The following NIM1K variants were observed in gnomAD, a reference collection of about 807,000 sequenced individuals.
The protein encoded by NIM1K is serine/threonine-protein kinase NIM1.
Under a neutral mutation model 37.1 loss-of-function variants are expected in NIM1K, and 35 were observed. The ratio of observed to expected loss-of-function variants is 0.94; its 90% CI spans 0.72 to 1.25. NIM1K has a LOEUF of 1.25. Among genes scored for constraint, NIM1K ranks in the 50% most tolerant of loss-of-function variants. The pLI, the probability that NIM1K is intolerant of heterozygous loss-of-function variation, is 0.00. For missense variants in NIM1K, 564 were observed against 548.0 expected (o/e 1.03, Z -0.29); for synonymous variants, 234 against 206.6 (o/e 1.13, Z -1.14).
intron 1 of NIM1K, among the ~76,000 whole-genome samples, chr5:43,231,343 T>A (rs888611851): frequency 2.0e-5 from 3 of 152,112 alleles, no homozygotes; most frequent in Non-Finnish European, 4.4e-5. Context: ...TATCTATATA[T>A]CTATATTTAT....
chr5:43,232,934 T>C, intron 1 of NIM1K: 1 of 1,157,782 alleles, frequency 8.6e-7, no homozygotes, highest in Non-Finnish European at 1.3e-6. Flanking sequence ...TAGGTGCCAG[T>C]GCAAACTTCA....
At chr5:43,211,567 T>C (rs1006876225) in intron 1 of NIM1K, among the ~76,000 whole-genome samples, 1 of 152,210 alleles carries the variant, frequency 6.6e-6, no homozygotes, top group African/African-American at 2.4e-5. Flanking sequence ...TTCTGGAATA[T>C]TGGCTGCTAA....
chr5:43,232,321 T>C lies in NIM1K; in HGVS notation c.-694-12761T>C. ...TGGCAGTCTCTGCTACAGAAAGCTG[T>C]TTCATGGTAGGCTTTCTCAGCAGAG... On this transcript the variant is annotated intron_variant, in intron 1 of 3. Coordinates refer to ENST00000326035, the MANE Select transcript of NIM1K (RefSeq NM_153361.4). 3.2e-6 allele frequency: 4 copies of C among 1,267,520 alleles called. No individual in the cohort carries two copies. In the South Asian group the frequency reaches 4.8e-5, roughly 15 times the overall value. The allele number at this position is 1,267,520 out of a possible 1,614,324, so 78.5% of individuals were successfully genotyped here. A position where few individuals can be genotyped will look rare whatever the true frequency, so the allele number is the denominator to read the frequency against.
At chr5:43,249,937 C>T (rs1320978677) in intron 2 of NIM1K, among the ~76,000 whole-genome samples, 6 of 144,486 alleles carry the variant, frequency 4.2e-5, no homozygotes, top group African/African-American at 1.5e-4. Flanking sequence ...ACTGCAAGCT[C>T]TGCCTCCTGG....
At chr5:43,209,448 G>C (rs1752172575) in intron 1 of NIM1K, among the ~76,000 whole-genome samples, 1 of 151,804 alleles carries the variant, frequency 6.6e-6, no homozygotes, top group East Asian at 1.9e-4. Flanking sequence ...AAAGGGTTTT[G>C]CTTTTTTTGT....
intron 1 of NIM1K, among the ~76,000 whole-genome samples, chr5:43,224,444 GA>G (rs201872225): frequency 0.022 from 2,842 of 128,994 alleles, 111 homozygotes; most frequent in East Asian, 0.17. Context: ...ACTCGTCTCA[GA>G]AAAAAAAAAA....
intron 2 of NIM1K, among the ~76,000 whole-genome samples, chr5:43,273,550 T>A (rs957122439): frequency 6.6e-6 from 1 of 152,188 alleles, no homozygotes; most frequent in Non-Finnish European, 1.5e-5. Context: ...ACAACCCTTT[T>A]TCTTAAAACC....
intron 1 of NIM1K, among the ~76,000 whole-genome samples, chr5:43,198,919 T>TG (rs1455037905): frequency 1.3e-5 from 2 of 152,040 alleles, no homozygotes; most frequent in Non-Finnish European, 2.9e-5. Context: ...CCAAGCACGG[T>TG]GGCTCACACC....
chr5:43,261,994 C>T (rs1753038157), intron 2 of NIM1K, among the ~76,000 whole-genome samples: 1 of 152,146 alleles, frequency 6.6e-6, no homozygotes, highest in Admixed American at 6.5e-5. Flanking sequence ...CAGTACCATG[C>T]TGTTTTGGTT....
chr5:43,216,914 T>C (rs1159194383), intron 1 of NIM1K, among the ~76,000 whole-genome samples: 2 of 152,212 alleles, frequency 1.3e-5, no homozygotes, highest in Non-Finnish European at 2.9e-5. Context: ...ATGGTTTGCA[T>C]GAAGTGAATA....
At chr5:43,255,444 C>T (rs570345422) in intron 2 of NIM1K, among the ~76,000 whole-genome samples, 5 of 152,100 alleles carry the variant, frequency 3.3e-5, no homozygotes, top group Non-Finnish European at 2.9e-5. Flanking sequence ...TATTATGTAG[C>T]GATAAGTGAT....
intron 3 of NIM1K, among the ~76,000 whole-genome samples, chr5:43,278,013 T>G (rs1029328117): frequency 5.4e-5 from 8 of 148,088 alleles, no homozygotes; most frequent in Admixed American, 1.3e-4. Flanking sequence ...TCCCTTCCTT[T>G]CTTTTCCTTC....
At chr5:43,259,641 T>C (rs929636825) in intron 2 of NIM1K, among the ~76,000 whole-genome samples, 1 of 152,172 alleles carries the variant, frequency 6.6e-6, no homozygotes, top group Non-Finnish European at 1.5e-5. Context: ...TTTTTGTTTT[T>C]TGTTTGCTAA....
In NIM1K at chr5:43,210,305, A is replaced by G. The variant is rs1018965415; in HGVS notation, c.-695+17894A>G. Among the ~76,000 whole-genome samples the G allele has an allele frequency of 5.9e-5, 9 of 152,352 alleles. No homozygotes were observed. The East Asian group carries it at 1.7e-3, about 29-fold the overall frequency. ...AATAAAATTAATCTCTTGTAAAACA[A>G]GAATTTAAAACAAATTTTGTGCTCA... On this transcript the variant is annotated intron_variant, in intron 1 of 3. Transcript: ENST00000326035.
At chr5:43,262,602 T>C (rs143302603) in intron 2 of NIM1K, among the ~76,000 whole-genome samples, 30,817 of 151,920 alleles carry the variant, frequency 0.2, 3,229 homozygotes, top group Non-Finnish European at 0.21. Flanking sequence ...CCTTTATTTC[T>C]TTCTCCTGCT....
chr5:43,249,096 G>T (rs982127947), intron 2 of NIM1K, among the ~76,000 whole-genome samples: 1 of 150,002 alleles, frequency 6.7e-6, no homozygotes, highest in Non-Finnish European at 1.5e-5. Flanking sequence ...TTGAGACAGA[G>T]TCTCGCTCTG....
At chr5:43,214,541 C>T (rs1752269554) in intron 1 of NIM1K, among the ~76,000 whole-genome samples, 1 of 149,280 alleles carries the variant, frequency 6.7e-6, no homozygotes, top group Non-Finnish European at 1.5e-5. Flanking sequence ...TTTTGCCGGG[C>T]GCGGTGGCTT....
chr5:43,265,145 T>C (rs886627490), intron 2 of NIM1K, among the ~76,000 whole-genome samples: 1 of 152,238 alleles, frequency 6.6e-6, no homozygotes, highest in Non-Finnish European at 1.5e-5. Context: ...CTGCACTTCC[T>C]GAATTTGAAT....
intron 2 of NIM1K, among the ~76,000 whole-genome samples, chr5:43,276,191 C>G (rs1753337500): frequency 6.6e-6 from 1 of 152,188 alleles, no homozygotes; most frequent in Admixed American, 6.5e-5. Flanking sequence ...CCGCGCCCAG[C>G]CAAAATTGAG....
Sources: gnomAD v4.1 joint callset for allele counts (sites outside exome capture counted in the v4.1 genomes callset) on GRCh38, gnomAD v4.1.1 for gene constraint, MANE v1.5 for transcripts, NCBI Gene and HGNC (gene_info 2026-07-23, HGNC 2026-07-21) for gene names.